Variants in TSPEAR observed in about 807,000 individuals in gnomAD.
The protein encoded by TSPEAR is thrombospondin type laminin G domain and EAR repeats.
TSPEAR carries 69 observed loss-of-function variants against 71.6 expected under a neutral mutation model. The observed-to-expected ratio is 0.96, with a 90% CI of 0.79 to 1.18. The LOEUF is 1.18. Ranked by LOEUF, TSPEAR falls within the 50% of genes most tolerant of loss-of-function variation. The pLI, the probability that TSPEAR is intolerant of heterozygous loss-of-function variation, is 0.00. For missense variants in TSPEAR, 971 were observed against 894.9 expected, an observed-to-expected ratio of 1.09 and a Z score of -1.09; for synonymous variants, 402 against 387.2, an observed-to-expected ratio of 1.04 and a Z score of -0.45.
intron 1 of TSPEAR, among the ~76,000 whole-genome samples, chr21:44,699,812 C>G (rs1049239028): frequency 6.6e-6 from 1 of 152,200 alleles, no homozygotes; most frequent in Non-Finnish European, 1.5e-5. Context: ...GCCCCCAGAC[C>G]GAAGGGAAGC....
rs71199612 is a variant in TSPEAR at position 44,572,834 on chromosome 21, GACACACACACAC to G, written c.83-4841_83-4830del. Among the ~76,000 whole-genome samples the G allele has an allele frequency of 4.6e-3, 571 of 124,884 alleles. 1 individual carries two copies. The highest frequency in any genetic ancestry group is 0.011 in the South Asian group (34 of 3,032). The allele number at this position is 124,884 out of a possible 152,430, so 81.9% of individuals were successfully genotyped here. A position where few individuals can be genotyped will look rare whatever the true frequency, so the allele number is the denominator to read the frequency against. ...TATCCTTATAAAAAGGGGAGATTTGGACACACACACACACACACACACACACACACACACACA... is the reference window on the plus strand; with the variant it reads ...TATCCTTATAAAAAGGGGAGATTTGGACACACACACACACACACACACACA... On this transcript the variant is annotated intron_variant, in intron 1 of 11. Coordinates refer to ENST00000323084, the MANE Select transcript of TSPEAR (RefSeq NM_144991.3).
chr21:44,512,157 A>AGGGGCT (rs1264874889), intron 9 of TSPEAR, among the ~76,000 whole-genome samples: 1 of 152,162 alleles, frequency 6.6e-6, no homozygotes, highest in Non-Finnish European at 1.5e-5. Flanking sequence ...AGTGCGGAGC[A>AGGGGCT]GGGGCTGGGG....
At chr21:44,538,672 T>G (rs1353568832) in intron 2 of TSPEAR, among the ~76,000 whole-genome samples, 3 of 151,980 alleles carry the variant, frequency 2.0e-5, no homozygotes, top group Non-Finnish European at 4.4e-5. Context: ...TCCCGGAAGG[T>G]GACCCTGCAG....
rs192355091 is a variant in TSPEAR, at chr21:44,677,899, G to A, written c.82+33534C>T. On this transcript the variant is annotated intron_variant, in intron 1 of 11. Transcript: ENST00000323084. The stretch of plus-strand genomic sequence containing the variant: ...AAATGGGAAGCCCATTTGGCATATA[G>A]GATAGTGCCACCAATACCTCCACCA... 7.4e-5 allele frequency: 104 copies of A among 1,402,486 alleles called. No individual in the cohort carries two copies. The East Asian group carries it at 1.9e-3, about 26-fold the overall frequency. 86.9% of individuals were successfully genotyped at this position (1,402,486 alleles called of 1,614,324 possible).
At chr21:44,530,689 G>A (rs1371038602) in intron 4 of TSPEAR, among the ~76,000 whole-genome samples, 2 of 152,220 alleles carry the variant, frequency 1.3e-5, no homozygotes, top group African/African-American at 2.4e-5. Flanking sequence ...CCACTCACAC[G>A]TGAGTGGAGA....
In TSPEAR at chr21:44,687,710, C is replaced by A. The variant is rs1248121879; in HGVS notation, c.82+23723G>T. 2.0e-5 allele frequency among the ~76,000 whole-genome samples: 3 copies of A among 152,124 alleles called. No homozygotes were observed. The highest frequency in any genetic ancestry group is 4.8e-5 in the African/African-American group (2 of 41,414). Reference sequence around the variant, plus strand: ...GGTCCTGATGGGGGTCCTCTCCCAGCCAGGAGGGAAGCCAGGACCACCCTC... The same window carrying A: ...GGTCCTGATGGGGGTCCTCTCCCAGACAGGAGGGAAGCCAGGACCACCCTC... On this transcript the variant is annotated intron_variant, in intron 1 of 11. Transcript: ENST00000323084. The surrounding 1 kb of genome is among the most constrained non-coding windows in gnomAD (Gnocchi z 4.4).
chr21:44,701,040 T>C (rs544590704), intron 1 of TSPEAR, among the ~76,000 whole-genome samples: 2 of 152,250 alleles, frequency 1.3e-5, no homozygotes, highest in African/African-American at 4.8e-5. Flanking sequence ...CCTACCCTCA[T>C]CCCTGGAACC....
intron 2 of TSPEAR, among the ~76,000 whole-genome samples, chr21:44,567,535 A>T (rs1555921886): frequency 6.6e-6 from 1 of 152,184 alleles, no homozygotes; most frequent in Non-Finnish European, 1.5e-5. Flanking sequence ...TCAACATAAA[A>T]ACTCTGAGCA....
chr21:44,679,859 TA>T (rs1464901623), intron 1 of TSPEAR, among the ~76,000 whole-genome samples: 2 of 152,180 alleles, frequency 1.3e-5, no homozygotes, highest in Non-Finnish European at 2.9e-5. Flanking sequence ...ACTGGATCCC[TA>T]CCTCTCATCA....
intron 1 of TSPEAR, among the ~76,000 whole-genome samples, chr21:44,662,857 A>G (rs1985567761): frequency 6.6e-6 from 1 of 152,208 alleles, no homozygotes; most frequent in African/African-American, 2.4e-5. Flanking sequence ...ACACACTTCT[A>G]AATAACCCAT....
At chr21:44,646,401 C>T in intron 1 of TSPEAR, 1 of 1,132,986 alleles carries the variant, frequency 8.8e-7, no homozygotes, top group African/African-American at 1.7e-5. Flanking sequence ...CACTCACTCA[C>T]ACACACACTC....
At chr21:44,534,002 A>C (rs1601377615) in intron 2 of TSPEAR, 79 bp from the exon 3 acceptor site, 1 of 1,046,140 alleles carries the variant, frequency 9.6e-7, no homozygotes, top group Non-Finnish European at 1.4e-6. Flanking sequence ...GGAATGGCAG[A>C]GGTGATGAGC....
chr21:44,573,020 C>T (rs140992889), intron 1 of TSPEAR, among the ~76,000 whole-genome samples: 1 of 152,162 alleles, frequency 6.6e-6, no homozygotes, highest in African/African-American at 2.4e-5. Flanking sequence ...AGAAGGAACC[C>T]ATGCTGTCCA....
intron 1 of TSPEAR, among the ~76,000 whole-genome samples, chr21:44,598,183 A>C (rs1251969186): frequency 6.6e-6 from 1 of 152,192 alleles, no homozygotes; most frequent in Non-Finnish European, 1.5e-5. Context: ...ATTTAGGAAA[A>C]GACTGGCTCT....
chr21:44,590,050 G>A (rs1043741268), intron 1 of TSPEAR, among the ~76,000 whole-genome samples: 2 of 151,840 alleles, frequency 1.3e-5, no homozygotes, highest in Non-Finnish European at 2.9e-5. Context: ...GGGGACGGCT[G>A]CTGCTGGCTG....
chr21:44,504,797 C>A lies in TSPEAR; in HGVS notation c.1839G>T (p.Val613=). ...ANSFDGRTFS[V]NSIIYRWQGY... The stretch of plus-strand genomic sequence containing the variant: ...CTCATTACCTGTAAATAATACTGTT[C>A]ACCGAGAAGGTACGCCCATCGAAGG... Residue 613 remains valine, a synonymous_variant, in exon 11 of 12, where the codon GTG becomes GTT. Coordinates refer to ENST00000323084, the MANE Select transcript of TSPEAR (RefSeq NM_144991.3). The A allele has an allele frequency of 6.2e-7, 1 of 1,613,586 alleles. No individual in the cohort carries two copies. The highest frequency in any genetic ancestry group is 1.7e-5 in the Admixed American group (1 of 60,000).
chr21:44,628,029 A>T, intron 1 of TSPEAR: 1 of 1,612,832 alleles, frequency 6.2e-7, no homozygotes, highest in Non-Finnish European at 8.5e-7. Flanking sequence ...GCTTCTCCTC[A>T]GGCCAGAAGT....
chr21:44,615,497 C>T (rs113104086), intron 1 of TSPEAR, among the ~76,000 whole-genome samples: 7,312 of 151,118 alleles, frequency 0.048, 449 homozygotes, highest in African/African-American at 0.14. Flanking sequence ...TTAATGACAG[C>T]GGGGATCTCA....
intron 1 of TSPEAR, among the ~76,000 whole-genome samples, chr21:44,573,034 T>C (rs2146082687): frequency 6.6e-6 from 1 of 152,090 alleles, no homozygotes; most frequent in African/African-American, 2.4e-5. Flanking sequence ...CTGTCCACTG[T>C]CCACACCTCG....
Sources: allele counts gnomAD v4.1 joint callset (sites outside exome capture counted in the v4.1 genomes callset), GRCh38; gene constraint gnomAD v4.1.1; non-coding constraint Gnocchi (gnomAD v3.1); transcripts MANE v1.5; gene names NCBI Gene and HGNC (gene_info 2026-07-23, HGNC 2026-07-21).